The following PPP2R2C variants were observed in gnomAD, a reference collection of about 807,000 sequenced individuals.
PPP2R2C encodes the protein protein phosphatase 2, regulatory subunit B, gamma.
Under a neutral mutation model 45.3 loss-of-function variants are expected in PPP2R2C, and 10 were observed. The ratio of observed to expected loss-of-function variants is 0.22; its 90% CI spans 0.14 to 0.37. The LOEUF (loss-of-function observed/expected upper bound fraction) is 0.37. Ranked by LOEUF, PPP2R2C falls within the 10% of genes least tolerant of loss-of-function variation. The pLI, the probability that PPP2R2C is intolerant of heterozygous loss-of-function variation, is 1.00. For synonymous variants in PPP2R2C, 257 were observed against 245.4 expected (o/e 1.05, Z -0.44); for missense variants, 308 against 619.7 (o/e 0.50, Z 5.34).
chr4:6,549,539 C>T (rs1460232781), intron 1 of PPP2R2C, among the ~76,000 whole-genome samples: 1 of 152,198 alleles, frequency 6.6e-6, no homozygotes, highest in African/African-American at 2.4e-5. Context: ...TTCCTGGGCA[C>T]GACCCTCCAC....
intron 2 of PPP2R2C, among the ~76,000 whole-genome samples, chr4:6,490,371 G>A (rs982503654): frequency 1.3e-5 from 2 of 152,276 alleles, no homozygotes; most frequent in South Asian, 2.1e-4. Context: ...CTTCCTTCAT[G>A]GAGCCTTCCT....
intron 2 of PPP2R2C, among the ~76,000 whole-genome samples, chr4:6,512,372 TG>T (rs1723644895): frequency 8.2e-6 from 1 of 121,870 alleles, no homozygotes; most frequent in East Asian, 2.5e-4. Flanking sequence ...GTGGTGGTGG[TG>T]GTGGTGGTGG....
chr4:6,455,271 C>T (rs4689447), intron 1 of PPP2R2C, among the ~76,000 whole-genome samples: 149,912 of 152,312 alleles, frequency 0.98, 73,821 homozygotes, highest in Middle Eastern at 1. Context: ...ACCTATAGCC[C>T]TACATCAAGA....
At chr4:6,424,753 G>A (rs777928021) in intron 1 of PPP2R2C, among the ~76,000 whole-genome samples, 36 of 152,130 alleles carry the variant, frequency 2.4e-4, no homozygotes, top group Admixed American at 1.7e-3. Flanking sequence ...ATGCAGGGGT[G>A]GGGGCAAATC....
chr4:6,414,161 T>C, intron 1 of PPP2R2C: 1 of 966,598 alleles, frequency 1.0e-6, no homozygotes, highest in South Asian at 2.3e-5. Flanking sequence ...AAATACGGCC[T>C]AGTATGCCTT....
chr4:6,476,600 G>A (rs184144838), upstream of PPP2R2C, among the ~76,000 whole-genome samples: 605 of 152,316 alleles, frequency 4.0e-3, 3 homozygotes, highest in African/African-American at 0.014. Context: ...GTGAAAAATA[G>A]ATTGTGGTTT....
intron 1 of PPP2R2C, among the ~76,000 whole-genome samples, chr4:6,549,104 C>T (rs1240085897): frequency 6.6e-6 from 1 of 152,216 alleles, no homozygotes; most frequent in Non-Finnish European, 1.5e-5. Flanking sequence ...ACCTCTGGAG[C>T]TAAGCCACTG....
intron 2 of PPP2R2C, among the ~76,000 whole-genome samples, chr4:6,525,721 G>A (rs528537083): frequency 6.6e-6 from 1 of 152,118 alleles, no homozygotes; most frequent in South Asian, 2.1e-4. Context: ...GGGGGATGGG[G>A]GAGGGTAGGT....
At chr4:6,352,296 CT>C (rs1201121511) in intron 5 of PPP2R2C, among the ~76,000 whole-genome samples, 1 of 152,194 alleles carries the variant, frequency 6.6e-6, no homozygotes, top group African/African-American at 2.4e-5. Context: ...TTCTGCAAGC[CT>C]TGCTTTCCCC....
At position 6,447,240 on chromosome 4, in the gene PPP2R2C, T is replaced by C. The variant is rs188889144; in HGVS notation, c.70+24920A>G. Among the ~76,000 whole-genome samples, 22 of 152,144 alleles carry C rather than the reference T, an allele frequency of 1.4e-4. No individual in the cohort carries two copies. In the East Asian group the frequency reaches 4.3e-3, roughly 30 times the overall value. Reference sequence around the variant, plus strand: ...CCACTCTCGGGTCGGTGCCTCCCACTCTGAGGAGGCCTGCGGTGCAGAGAA... The same window carrying C: ...CCACTCTCGGGTCGGTGCCTCCCACCCTGAGGAGGCCTGCGGTGCAGAGAA... On this transcript the variant is annotated intron_variant, in intron 1 of 8. Coordinates refer to ENST00000382599, the MANE Select transcript of PPP2R2C (RefSeq NM_020416.4).
chr4:6,384,871 T>C (rs184531473), intron 1 of PPP2R2C: 776 of 984,688 alleles, frequency 7.9e-4, no homozygotes, highest in Non-Finnish European at 8.3e-4. Context: ...GAAGTGCTGG[T>C]TGGAGTCTTG....
chr4:6,366,844 C>A (rs565028205), intron 5 of PPP2R2C, among the ~76,000 whole-genome samples: 125 of 152,232 alleles, frequency 8.2e-4, no homozygotes, highest in Non-Finnish European at 1.3e-3. Context: ...ACCAAAGGCA[C>A]AGGGCACTGT....
At chr4:6,511,550 TGGTGGTGGTGGTGGTGGTGGTGATGGC>T (rs1723497741) in intron 2 of PPP2R2C, among the ~76,000 whole-genome samples, 4 of 24,644 alleles carry the variant, frequency 1.6e-4, no homozygotes, top group Non-Finnish European at 3.9e-4. Flanking sequence ...GTGGTGATGG[TGGTGGTGGTGGTGGTGGTGGTGATGGC>T]GGTGGTGGTG....
intron 2 of PPP2R2C, among the ~76,000 whole-genome samples, chr4:6,520,656 T>C (rs1723989671): frequency 1.3e-5 from 2 of 152,180 alleles, no homozygotes; most frequent in African/African-American, 4.8e-5. Flanking sequence ...ACAGCAGCCT[T>C]CCTCACCTCC....
intron 6 of PPP2R2C, among the ~76,000 whole-genome samples, chr4:6,335,856 C>T (rs1283366419): frequency 6.6e-6 from 1 of 152,096 alleles, no homozygotes; most frequent in Admixed American, 6.5e-5. Flanking sequence ...AAGGTCCCCC[C>T]CACCTCTCTT....
intron 5 of PPP2R2C, among the ~76,000 whole-genome samples, chr4:6,356,702 A>C (rs938652149): frequency 3.3e-5 from 5 of 152,258 alleles, no homozygotes; most frequent in African/African-American, 1.2e-4. Flanking sequence ...GCTGCTGAGA[A>C]GGTCTGCGGC....
At chr4:6,426,150 TCC>T (rs1213877343) in intron 1 of PPP2R2C, among the ~76,000 whole-genome samples, 5 of 152,120 alleles carry the variant, frequency 3.3e-5, no homozygotes, top group African/African-American at 1.2e-4. Flanking sequence ...ACCAACTCAG[TCC>T]CTCTGCCCAG....
intron 1 of PPP2R2C, among the ~76,000 whole-genome samples, chr4:6,547,798 GA>G (rs1725042262): frequency 6.6e-6 from 1 of 152,152 alleles, no homozygotes; most frequent in African/African-American, 2.4e-5. Flanking sequence ...TCATCTCAGA[GA>G]AAAATTGGTT....
chr4:6,344,022 C>T lies in PPP2R2C; in HGVS notation c.790+3824G>A, dbSNP rs569757339. On this transcript the variant is annotated intron_variant, in intron 6 of 8. Transcript: ENST00000382599. The stretch of plus-strand genomic sequence containing the variant: ...GGTGCGGGCAAGAGCCGCCAGAGGT[C>T]AGCATGTTGCCAACCTCCCAGGTGA... 6.2e-4 allele frequency among the ~76,000 whole-genome samples: 95 copies of T among 152,374 alleles called. No individual in the cohort carries two copies. The Middle Eastern group carries it at 0.014, about 22-fold the overall frequency.
Sources: gnomAD v4.1 joint callset for allele counts (sites outside exome capture counted in the v4.1 genomes callset) on GRCh38, gnomAD v4.1.1 for gene constraint, MANE v1.5 for transcripts, NCBI Gene and HGNC (gene_info 2026-07-23, HGNC 2026-07-21) for gene names.